Variants in TBL1X observed in about 807,000 individuals in gnomAD.
TBL1X encodes the protein transducin beta like 1 X-linked.
A neutral mutation model predicts 50.7 loss-of-function variants in TBL1X; 10 were observed. The ratio of observed to expected loss-of-function variants is 0.20; its 90% CI spans 0.12 to 0.33. The LOEUF (loss-of-function observed/expected upper bound fraction) is 0.33. Among genes scored for constraint, TBL1X ranks in the 10% least tolerant of loss-of-function variants. The pLI, the probability that TBL1X is intolerant of heterozygous loss-of-function variation, is 1.00. For synonymous variants in TBL1X, 190 were observed against 214.7 expected, an observed-to-expected ratio of 0.88 and a Z score of 1.01; for missense variants, 340 against 504.4, an observed-to-expected ratio of 0.67 and a Z score of 3.12.
At chrX:9,631,436 G>C (rs1380478817) in intron 2 of TBL1X, among the ~76,000 whole-genome samples, 1 of 112,263 alleles carries the variant, frequency 8.9e-6, no homozygotes, top group Non-Finnish European at 1.9e-5. Flanking sequence ...GTTCCTGTGT[G>C]CTTTTGCATA....
At chrX:9,714,549 T>C (rs1434059413) in intron 16 of TBL1X, among the ~76,000 whole-genome samples, 1 of 111,530 alleles carries the variant, frequency 9.0e-6, no homozygotes, top group East Asian at 2.8e-4. Context: ...TGTAGAAAGT[T>C]TTGGTCGTGC....
chrX:9,493,516 C>T (rs1241845506), intron 1 of TBL1X, among the ~76,000 whole-genome samples: 1 of 111,775 alleles, frequency 8.9e-6, no homozygotes, highest in Admixed American at 9.5e-5. Flanking sequence ...AACCCAAGCA[C>T]TTTGGGAAGC....
At chrX:9,510,976 A>G (rs1438968650) in intron 2 of TBL1X, among the ~76,000 whole-genome samples, 1 of 111,011 alleles carries the variant, frequency 9.0e-6, no homozygotes. Flanking sequence ...ACATAAACAA[A>G]CCCTATTGGC....
intron 2 of TBL1X, among the ~76,000 whole-genome samples, chrX:9,528,717 C>T (rs868307384): frequency 9.0e-5 from 4 of 44,394 alleles, no homozygotes; most frequent in African/African-American, 3.5e-4. Context: ...TCAGTGGGGG[C>T]GGGGGGTGCT....
intron 2 of TBL1X, among the ~76,000 whole-genome samples, chrX:9,552,969 C>T (rs2082277961): frequency 9.1e-6 from 1 of 110,177 alleles, no homozygotes; most frequent in African/African-American, 3.3e-5. Flanking sequence ...AGAGAGAGAC[C>T]CTGTCTCTAG....
intron 1 of TBL1X, among the ~76,000 whole-genome samples, chrX:9,491,334 ATATATTTT>A (rs1477847282): frequency 4.3e-5 from 1 of 23,382 alleles, no homozygotes; most frequent in African/African-American, 1.9e-4. Context: ...ATATATATAT[ATATATTTT>A]TTTTTTTTTT....
intron 1 of TBL1X, among the ~76,000 whole-genome samples, chrX:9,484,297 G>A (rs930064470): frequency 1.6e-4 from 18 of 109,598 alleles, no homozygotes; most frequent in African/African-American, 5.2e-4. Flanking sequence ...GTGAGCCACC[G>A]TGCCTGGCTC....
chrX:9,712,344 G>A (rs1391422549), intron 16 of TBL1X, among the ~76,000 whole-genome samples: 2 of 112,116 alleles, frequency 1.8e-5, no homozygotes, highest in African/African-American at 6.5e-5. Flanking sequence ...TTTTGTTTTT[G>A]TTTTTGTTTT....
chrX:9,571,204 G>A (rs1006984338), intron 2 of TBL1X, among the ~76,000 whole-genome samples: 1 of 111,635 alleles, frequency 9.0e-6, no homozygotes, highest in African/African-American at 3.3e-5. Context: ...CCTTCTTGCT[G>A]TGTCCTCACA....
intron 7 of TBL1X, among the ~76,000 whole-genome samples, chrX:9,689,096 G>A (rs1828249277): frequency 8.8e-6 from 1 of 113,618 alleles, no homozygotes; most frequent in South Asian, 3.5e-4. Flanking sequence ...ACAAGTTTGT[G>A]TGCGTGTGTG....
At chrX:9,618,636 G>A (rs2082651341) in intron 2 of TBL1X, among the ~76,000 whole-genome samples, 1 of 112,174 alleles carries the variant, frequency 8.9e-6, no homozygotes, top group East Asian at 2.8e-4. Context: ...CCAAGATCGT[G>A]CCACTGCACT....
At chrX:9,516,557 C>T (rs1046052116) in intron 2 of TBL1X, among the ~76,000 whole-genome samples, 3 of 112,406 alleles carry the variant, frequency 2.7e-5, no homozygotes, top group Non-Finnish European at 5.6e-5. Flanking sequence ...CTCAAGTCCT[C>T]TTTATCATCG....
chrX:9,656,357 A>G (rs1404637154), intron 5 of TBL1X, among the ~76,000 whole-genome samples: 2 of 112,899 alleles, frequency 1.8e-5, no homozygotes, highest in Non-Finnish European at 3.7e-5. Flanking sequence ...AACAAGTCCC[A>G]GGCTGGAACT....
chrX:9,688,411 T>C, intron 7 of TBL1X, 136 bp downstream of exon 7: 1 of 584,370 alleles, frequency 1.7e-6, no homozygotes, highest in Non-Finnish European at 2.5e-6. Flanking sequence ...TTGCTTACGA[T>C]CTGGCCGGAA....
At chrX:9,558,600 A>G (rs2082311427) in intron 2 of TBL1X, among the ~76,000 whole-genome samples, 1 of 111,387 alleles carries the variant, frequency 9.0e-6, no homozygotes, top group Non-Finnish European at 1.9e-5. Context: ...CATCACTTGC[A>G]GTTACAAAGA....
intron 5 of TBL1X, 42 bp from the exon 6 acceptor site, chrX:9,684,001 A>G (rs779058355): frequency 2.2e-5 from 27 of 1,208,707 alleles, no homozygotes; most frequent in Non-Finnish European, 1.5e-5. Context: ...CCCTCCTTCA[A>G]TTCGGGTCTC....
At chrX:9,481,861 C>A (rs967953573) in intron 1 of TBL1X, among the ~76,000 whole-genome samples, 1 of 112,135 alleles carries the variant, frequency 8.9e-6, no homozygotes, top group African/African-American at 3.2e-5. Flanking sequence ...GCAGCAAAGC[C>A]AATTTTAAAA....
intron 1 of TBL1X, among the ~76,000 whole-genome samples, chrX:9,485,992 C>T (rs998952003): frequency 8.1e-5 from 9 of 110,990 alleles, no homozygotes; most frequent in African/African-American, 2.3e-4. Context: ...CAGGGCACTC[C>T]ATAGTTAACC....
chrX:9,512,788 C>T (rs769311256), intron 2 of TBL1X, among the ~76,000 whole-genome samples: 39 of 111,208 alleles, frequency 3.5e-4, no homozygotes, highest in East Asian at 1.4e-3. Context: ...CATGAGCCAC[C>T]GCACCCGGCC....
Sources: allele counts gnomAD v4.1 joint callset (sites outside exome capture counted in the v4.1 genomes callset), GRCh38; gene constraint gnomAD v4.1.1; transcripts MANE v1.5; gene names NCBI Gene and HGNC (gene_info 2026-07-23, HGNC 2026-07-21).